The following CTNNA1 variants were observed in gnomAD, a reference collection of about 807,000 sequenced individuals.
CTNNA1 encodes catenin alpha-1.
In CTNNA1, 37 loss-of-function variants were observed where a neutral mutation model predicts 98.4. The observed-to-expected ratio is 0.38, with a 90% CI of 0.29 to 0.49. CTNNA1 has a LOEUF of 0.49. Ranked by LOEUF, CTNNA1 falls within the 20% of genes least tolerant of loss-of-function variation. The pLI is 0.95. For synonymous variants in CTNNA1, 404 were observed against 413.2 expected (o/e 0.98, Z 0.27); for missense variants, 761 against 1,147.2 (o/e 0.66, Z 4.86).
chr5:138,845,493 ACT>A (rs1416650301), intron 7 of CTNNA1, among the ~76,000 whole-genome samples: 1 of 152,226 alleles, frequency 6.6e-6, no homozygotes, highest in Non-Finnish European at 1.5e-5. Flanking sequence ...GAGGGTGGTT[ACT>A]GTTTGTCACG....
At chr5:138,769,591 G>A (rs1334138991) in intron 1 of CTNNA1, among the ~76,000 whole-genome samples, 8 of 152,060 alleles carry the variant, frequency 5.3e-5, no homozygotes, top group African/African-American at 1.9e-4. Context: ...GGAGTGCAAT[G>A]GTGCGATCTT....
At position 138,781,812 on chromosome 5, in the gene CTNNA1, A is replaced by G. The variant is rs141335282; in HGVS notation, c.-2-111A>G. ...TAGGCTAGTTAGAATTTTTTCATCTATAGTGAATATAGCTTTCCTGATGCA... is the reference window on the plus strand; with the variant it reads ...TAGGCTAGTTAGAATTTTTTCATCTGTAGTGAATATAGCTTTCCTGATGCA... On this transcript the variant is annotated intron_variant, in intron 1 of 17. Coordinates refer to ENST00000302763, the MANE Select transcript of CTNNA1 (RefSeq NM_001903.5). 1.1e-4 allele frequency: 105 copies of G among 932,556 alleles called. No homozygotes were observed. In the African/African-American group the frequency reaches 1.6e-3, roughly 14 times the overall value. 57.8% of individuals were successfully genotyped at this position (932,556 alleles called of 1,614,324 possible).
At chr5:138,869,750 G>A (rs1188979387) in intron 7 of CTNNA1, 2 of 152,678 alleles carry the variant, frequency 1.3e-5, no homozygotes, top group Non-Finnish European at 2.9e-5. Context: ...AGTGGCGTTG[G>A]GAAGTTCAGT....
chr5:138,874,947 G>A lies in CTNNA1; in HGVS notation c.1063-11265G>A, dbSNP rs761653033. 4 of 1,612,850 alleles carry A rather than the reference G, an allele frequency of 2.5e-6. No homozygotes were observed. The highest frequency in any genetic ancestry group is 2.5e-6 in the Non-Finnish European group (3 of 1,179,294). ...ACATTGGAGGCTGCATTCAGTCGCGGTTGTTAGACTCAACGCAGTGAGTCT... is the reference window on the plus strand; with the variant it reads ...ACATTGGAGGCTGCATTCAGTCGCGATTGTTAGACTCAACGCAGTGAGTCT... On this transcript the variant is annotated intron_variant, in intron 7 of 17. Coordinates refer to ENST00000302763, the MANE Select transcript of CTNNA1 (RefSeq NM_001903.5). The surrounding 1 kb of genome is among the most constrained non-coding windows in gnomAD (Gnocchi z 4.1).
At position 138,874,036 on chromosome 5, in the gene CTNNA1, G is replaced by T; in HGVS notation, c.1063-12176G>T. 2 of 1,613,966 alleles carry T rather than the reference G, an allele frequency of 1.2e-6. No homozygotes were observed. Among genetic ancestry groups the T allele is most frequent in the Non-Finnish European group, 1.7e-6 (2 of 1,179,880 alleles). Reference sequence around the variant, plus strand: ...CCAGACTACGACAGTCCCAGAACAGGCGTACTGGGATAGTCCGCAGGGAGT... The same window carrying T: ...CCAGACTACGACAGTCCCAGAACAGTCGTACTGGGATAGTCCGCAGGGAGT... On this transcript the variant is annotated intron_variant, in intron 7 of 17. Coordinates refer to ENST00000302763, the MANE Select transcript of CTNNA1 (RefSeq NM_001903.5). The surrounding 1 kb of genome is among the most constrained non-coding windows in gnomAD (Gnocchi z 4.1).
At chr5:138,884,120 C>G (rs866042302) in intron 7 of CTNNA1, among the ~76,000 whole-genome samples, 1 of 152,220 alleles carries the variant, frequency 6.6e-6, no homozygotes, top group Admixed American at 6.5e-5. Flanking sequence ...AGGTAGACAT[C>G]AATCAACACA....
At chr5:138,859,772 G>T (rs1764089644) in intron 7 of CTNNA1, among the ~76,000 whole-genome samples, 1 of 152,088 alleles carries the variant, frequency 6.6e-6, no homozygotes, top group Non-Finnish European at 1.5e-5. Flanking sequence ...GGCAGGTGTG[G>T]TGCCATGCAC....
chr5:138,799,026 T>C (rs150662480), intron 3 of CTNNA1, among the ~76,000 whole-genome samples: 1,774 of 152,228 alleles, frequency 0.012, 30 homozygotes, highest in African/African-American at 0.041. Flanking sequence ...GGAGTCTTAC[T>C]CTGTCACCCA....
chr5:138,778,516 A>C (rs915548896), intron 1 of CTNNA1, among the ~76,000 whole-genome samples: 8 of 152,126 alleles, frequency 5.3e-5, no homozygotes, highest in African/African-American at 1.4e-4. Flanking sequence ...GTGGCATCTC[A>C]GGTTTCTGGA....
intron 1 of CTNNA1, among the ~76,000 whole-genome samples, chr5:138,771,063 GTCT>G (rs1239837539): frequency 6.6e-6 from 1 of 151,722 alleles, no homozygotes. Flanking sequence ...CTCTCATACT[GTCT>G]TCTTTGTTTA....
intron 9 of CTNNA1, among the ~76,000 whole-genome samples, chr5:138,894,343 A>C (rs1236253121): frequency 1.4e-5 from 2 of 147,696 alleles, no homozygotes; most frequent in African/African-American, 5.0e-5. Context: ...GTGCAGTGAC[A>C]CAATCATGGC....
chr5:138,881,439 G>A (rs1169433350), intron 7 of CTNNA1, among the ~76,000 whole-genome samples: 2 of 152,150 alleles, frequency 1.3e-5, no homozygotes, highest in African/African-American at 4.8e-5. Context: ...TATGTTGTAT[G>A]ACACTGTGTT....
At chr5:138,884,080 T>C (rs924630296) in intron 7 of CTNNA1, among the ~76,000 whole-genome samples, 4 of 152,180 alleles carry the variant, frequency 2.6e-5, no homozygotes, top group African/African-American at 9.7e-5. Flanking sequence ...CATACCTTGA[T>C]TTTATACATT....
At chr5:138,894,931 T>C (rs1281140372) in intron 9 of CTNNA1, among the ~76,000 whole-genome samples, 1 of 152,200 alleles carries the variant, frequency 6.6e-6, no homozygotes, top group African/African-American at 2.4e-5. Context: ...AGAGAAACTT[T>C]CCTGGAACGC....
chr5:138,833,235 G>A (rs1761453449), intron 7 of CTNNA1, among the ~76,000 whole-genome samples: 1 of 152,168 alleles, frequency 6.6e-6, no homozygotes, highest in South Asian at 2.1e-4. Context: ...TGCCCAGCAG[G>A]TCATGGTCGT....
In CTNNA1 at chr5:138,812,203, G is replaced by A. The variant is rs1362893194; in HGVS notation, c.489G>A (p.Lys163=). 6.2e-7 allele frequency: 1 copy of A among 1,613,600 alleles called. No individual in the cohort carries two copies. Among genetic ancestry groups the A allele is most frequent in the African/African-American group, 1.3e-5 (1 of 74,890 alleles). Residue 163 remains lysine (K), a synonymous_variant, in exon 5 of 18, where the codon AAG becomes AAA. Coordinates refer to ENST00000302763, the MANE Select transcript of CTNNA1 (RefSeq NM_001903.5). The stretch of plus-strand genomic sequence containing the variant: ...TATAGGTGGAAGATGGTATCTTGAA[G>A]TTGAGGAATGCTGGCAATGAACAAG... ...QLKVVEDGIL[K]LRNAGNEQDL...
At chr5:138,775,299 G>C (rs1271225351) in intron 1 of CTNNA1, among the ~76,000 whole-genome samples, 9 of 152,186 alleles carry the variant, frequency 5.9e-5, no homozygotes, top group Admixed American at 5.9e-4. Flanking sequence ...CAAACCTTTA[G>C]CAATCTAGAG....
intron 9 of CTNNA1, among the ~76,000 whole-genome samples, chr5:138,889,203 C>CT (rs1233730563): frequency 7.9e-5 from 12 of 152,136 alleles, no homozygotes; most frequent in Non-Finnish European, 1.6e-4. Flanking sequence ...AGCCCAAGGC[C>CT]TTGGGTACCA....
At chr5:138,784,451 A>C (rs1445063328) in intron 3 of CTNNA1, among the ~76,000 whole-genome samples, 1 of 152,234 alleles carries the variant, frequency 6.6e-6, no homozygotes, top group Non-Finnish European at 1.5e-5. Context: ...GATGGAGATA[A>C]CATCTCCAAT....
Sources: allele counts gnomAD v4.1 joint callset (sites outside exome capture counted in the v4.1 genomes callset), GRCh38; gene constraint gnomAD v4.1.1; non-coding constraint Gnocchi (gnomAD v3.1); transcripts MANE v1.5; gene names NCBI Gene and HGNC (gene_info 2026-07-23, HGNC 2026-07-21).